The following SOX6 variants were observed in gnomAD, a reference collection of about 807,000 sequenced individuals.
SOX6 encodes transcription factor SOX-6.
Under a neutral mutation model 97.8 loss-of-function variants are expected in SOX6, and 11 were observed. The observed-to-expected ratio is 0.11, with a 90% CI of 0.07 to 0.19. The LOEUF (loss-of-function observed/expected upper bound fraction) is 0.19. Ranked by LOEUF, SOX6 falls within the 10% of genes least tolerant of loss-of-function variation. SOX6 has a pLI of 1.00. For synonymous variants in SOX6, 360 were observed against 371.4 expected (o/e 0.97, Z 0.35); for missense variants, 810 against 1,039.5 (o/e 0.78, Z 3.04).
At chr11:16,176,025 T>C (rs1340607609) in intron 6 of SOX6, among the ~76,000 whole-genome samples, 2 of 151,678 alleles carry the variant, frequency 1.3e-5, no homozygotes, top group South Asian at 2.1e-4. Flanking sequence ...ATTTAAGGTA[T>C]ACTCCAACCC....
At chr11:16,177,621 ATC>A (rs71044087) in intron 6 of SOX6, among the ~76,000 whole-genome samples, 64,610 of 145,630 alleles carry the variant, frequency 0.44, 15,347 homozygotes, top group East Asian at 0.6. Context: ...GAATAAGATG[ATC>A]TCTCTCTCTC....
intron 13 of SOX6, among the ~76,000 whole-genome samples, chr11:15,993,050 G>T (rs1479316321): frequency 6.6e-6 from 1 of 152,050 alleles, no homozygotes; most frequent in African/African-American, 2.4e-5. Context: ...GAAACAAAAT[G>T]GTTAAAGAAT....
At chr11:16,078,746 G>A (rs1848410758) in intron 9 of SOX6, among the ~76,000 whole-genome samples, 1 of 152,046 alleles carries the variant, frequency 6.6e-6, no homozygotes, top group South Asian at 2.1e-4. Context: ...CTTTCAGAGA[G>A]GTCAAGAAAA....
chr11:16,295,486 A>AC (rs1198010941), intron 3 of SOX6, among the ~76,000 whole-genome samples: 36 of 151,518 alleles, frequency 2.4e-4, no homozygotes, highest in African/African-American at 6.8e-4. Flanking sequence ...AATAAATACC[A>AC]CCCCCCCTCA....
At chr11:16,197,150 T>C (rs1851803610) in intron 4 of SOX6, among the ~76,000 whole-genome samples, 1 of 152,042 alleles carries the variant, frequency 6.6e-6, no homozygotes, top group Non-Finnish European at 1.5e-5. Context: ...GGCTTTTTAG[T>C]GCCCCATTTT....
At chr11:16,202,275 A>G (rs1459599719) in intron 4 of SOX6, among the ~76,000 whole-genome samples, 1 of 152,196 alleles carries the variant, frequency 6.6e-6, no homozygotes, top group Non-Finnish European at 1.5e-5. Context: ...AGGCCATGTT[A>G]TTAATATACA....
chr11:16,519,571 T>C (rs931284737), intron 4 of SOX6, among the ~76,000 whole-genome samples: 5 of 152,144 alleles, frequency 3.3e-5, no homozygotes, highest in Non-Finnish European at 1.5e-5. Context: ...TATATATATA[T>C]ATACACCACA....
At chr11:16,634,359 G>A (rs1848753908) in intron 3 of SOX6, among the ~76,000 whole-genome samples, 2 of 151,754 alleles carry the variant, frequency 1.3e-5, no homozygotes, top group African/African-American at 2.4e-5. Context: ...CAGTGCCTTA[G>A]GAATTTGCAT....
intron 7 of SOX6, among the ~76,000 whole-genome samples, chr11:16,109,697 G>T (rs1185154980): frequency 2.0e-5 from 3 of 152,140 alleles, no homozygotes; most frequent in Admixed American, 6.6e-5. Flanking sequence ...TAATTTTAAT[G>T]AATTTTAAAC....
intron 13 of SOX6, among the ~76,000 whole-genome samples, chr11:15,990,318 G>C (rs1854008882): frequency 6.6e-6 from 1 of 151,816 alleles, no homozygotes; most frequent in South Asian, 2.1e-4. Flanking sequence ...TAGACTAAGA[G>C]GCATTTATTT....
chr11:16,154,359 C>T lies in SOX6; in HGVS notation c.777+29527G>A, dbSNP rs115649896. On this transcript the variant is annotated intron_variant, in intron 6 of 15. Transcript: ENST00000683767. ...AATAACCCCCCTAATTAACATGCTG[C>T]GACAAATTACAGAAATCTATTTTTT... Among the ~76,000 whole-genome samples the T allele has an allele frequency of 6.7e-3, 1,017 of 152,190 alleles. 14 individuals are homozygous for T. Among genetic ancestry groups the T allele is most frequent in the African/African-American group, 0.02 (839 of 41,540 alleles).
intron 3 of SOX6, among the ~76,000 whole-genome samples, chr11:16,293,538 A>C (rs142364118): frequency 7.2e-5 from 11 of 152,250 alleles, no homozygotes; most frequent in South Asian, 2.1e-4. Context: ...CTTGAGCTCA[A>C]CAAGCAGATT....
At chr11:15,998,687 T>C (rs896044176) in intron 13 of SOX6, among the ~76,000 whole-genome samples, 50 of 152,122 alleles carry the variant, frequency 3.3e-4, no homozygotes, top group Non-Finnish European at 6.0e-4. Flanking sequence ...TGGAAAACGA[T>C]AGTTTTTTCA....
At chr11:16,481,759 CTT>C (rs1384210367) in intron 4 of SOX6, among the ~76,000 whole-genome samples, 2 of 152,132 alleles carry the variant, frequency 1.3e-5, no homozygotes, top group Non-Finnish European at 2.9e-5. Context: ...TTCTCAGACT[CTT>C]TGGTCTCAGG....
intron 4 of SOX6, among the ~76,000 whole-genome samples, chr11:16,561,331 C>A (rs577898292): frequency 1.3e-5 from 2 of 152,204 alleles, no homozygotes; most frequent in East Asian, 3.9e-4. Flanking sequence ...TGAATGACCA[C>A]AGCTATACTG....
chr11:16,596,877 G>C (rs1848217647), intron 4 of SOX6, among the ~76,000 whole-genome samples: 1 of 152,084 alleles, frequency 6.6e-6, no homozygotes, highest in South Asian at 2.1e-4. Context: ...TGATCAGCAT[G>C]GTATTATTCT....
chr11:16,479,871 G>C (rs1218816399), upstream of SOX6, among the ~76,000 whole-genome samples: 1 of 151,952 alleles, frequency 6.6e-6, no homozygotes, highest in Non-Finnish European at 1.5e-5. Context: ...TTATCTTAAA[G>C]AGCTCATTAT....
At chr11:16,395,807 A>G (rs1354760348) in intron 1 of SOX6, among the ~76,000 whole-genome samples, 1 of 151,850 alleles carries the variant, frequency 6.6e-6, no homozygotes, top group Non-Finnish European at 1.5e-5. Context: ...TATCACTAGC[A>G]TGACGACAGG....
chr11:16,161,170 G>C (rs1270491440), intron 6 of SOX6, among the ~76,000 whole-genome samples: 4 of 152,088 alleles, frequency 2.6e-5, no homozygotes, highest in Non-Finnish European at 5.9e-5. Context: ...CACTGGACAA[G>C]AAGTTGGGAA....
Sources: gnomAD v4.1 joint callset for allele counts (sites outside exome capture counted in the v4.1 genomes callset) on GRCh38, gnomAD v4.1.1 for gene constraint, MANE v1.5 for transcripts, NCBI Gene and HGNC (gene_info 2026-07-23, HGNC 2026-07-21) for gene names.